Variants in TSPAN18 observed in about 807,000 individuals in gnomAD.
The protein encoded by TSPAN18 is tetraspanin 18.
A neutral mutation model predicts 27.3 loss-of-function variants in TSPAN18; 14 were observed. The observed-to-expected ratio is 0.51, with a 90% confidence interval of 0.34 to 0.80. The LOEUF (loss-of-function observed/expected upper bound fraction) is 0.80. TSPAN18 is among the 30% of genes least tolerant of loss of function. The probability of loss-of-function intolerance (pLI) is 0.01; values close to 1 mark genes in which losing one functional copy is unlikely to be tolerated. For missense variants in TSPAN18, 268 were observed against 323.9 expected, an observed-to-expected ratio of 0.83 and a Z score of 1.32; for synonymous variants, 143 against 136.5, an observed-to-expected ratio of 1.05 and a Z score of -0.33.
At chr11:44,802,983 T>C (rs835814) in intron 2 of TSPAN18, among the ~76,000 whole-genome samples, 81,289 of 151,840 alleles carry the variant, frequency 0.54, 22,533 homozygotes, top group East Asian at 0.93. Context: ...GGCGGAGGCA[T>C]GGGGCACAAG....
chr11:44,731,874 C>T (rs1258510329), intron 1 of TSPAN18, among the ~76,000 whole-genome samples: 1 of 152,178 alleles, frequency 6.6e-6, no homozygotes, highest in Non-Finnish European at 1.5e-5. Flanking sequence ...TGTCCTTTCC[C>T]TTCCACCCTT....
At chr11:44,812,014 G>A (rs888826474) in intron 2 of TSPAN18, among the ~76,000 whole-genome samples, 5 of 152,300 alleles carry the variant, frequency 3.3e-5, no homozygotes, top group African/African-American at 7.2e-5. Context: ...GCTAGTGGTC[G>A]ACTTCGGTGG....
At chr11:44,782,559 A>G (rs866626641) in intron 2 of TSPAN18, among the ~76,000 whole-genome samples, 28 of 151,828 alleles carry the variant, frequency 1.8e-4, no homozygotes, top group East Asian at 5.8e-4. Context: ...AAAAAAAAAA[A>G]AAAGAAAGAA....
chr11:44,859,479 A>C (rs1857820412), intron 2 of TSPAN18: 1 of 152,206 alleles, frequency 6.6e-6, no homozygotes, highest in Non-Finnish European at 1.5e-5. Flanking sequence ...AAGCTCTGAG[A>C]GGACACCTGA....
intron 1 of TSPAN18, among the ~76,000 whole-genome samples, chr11:44,753,060 A>G (rs1455109842): frequency 1.3e-5 from 2 of 152,174 alleles, no homozygotes; most frequent in Admixed American, 1.3e-4. Flanking sequence ...CAGTATCCAT[A>G]TATTCTTTTT....
intron 1 of TSPAN18, among the ~76,000 whole-genome samples, chr11:44,748,670 C>G (rs1015387038): frequency 1.3e-5 from 2 of 152,168 alleles, no homozygotes; most frequent in African/African-American, 4.8e-5. Flanking sequence ...TTTAGAGAAG[C>G]CACAGTGTCA....
intron 2 of TSPAN18, among the ~76,000 whole-genome samples, chr11:44,779,398 C>A (rs538934372): frequency 6.6e-6 from 1 of 152,272 alleles, no homozygotes; most frequent in African/African-American, 2.4e-5. Flanking sequence ...AGTGAAGGCC[C>A]CTCCTTGACC....
chr11:44,783,767 G>A (rs1467052538), intron 2 of TSPAN18, among the ~76,000 whole-genome samples: 11 of 152,114 alleles, frequency 7.2e-5, no homozygotes, highest in African/African-American at 2.2e-4. Context: ...TACAAATCCC[G>A]CCCCTCTGCC....
chr11:44,834,361 G>C (rs1349602568), intron 2 of TSPAN18, among the ~76,000 whole-genome samples: 2 of 152,180 alleles, frequency 1.3e-5, no homozygotes, highest in Non-Finnish European at 2.9e-5. Flanking sequence ...CAAAAGGAGA[G>C]AGCCACACGG....
chr11:44,784,222 T>C (rs2134960988), intron 2 of TSPAN18, among the ~76,000 whole-genome samples: 1 of 152,266 alleles, frequency 6.6e-6, no homozygotes, highest in East Asian at 1.9e-4. Flanking sequence ...ATTCCTGCCT[T>C]AGCTTCTAGG....
intron 3 of TSPAN18, among the ~76,000 whole-genome samples, chr11:44,879,494 C>T (rs1195526201): frequency 1.3e-5 from 2 of 152,160 alleles, no homozygotes; most frequent in African/African-American, 2.4e-5. Context: ...TCTCTGTCTT[C>T]GAGCAGAGAC....
At chr11:44,897,614 T>C (rs1032609078) in intron 3 of TSPAN18, 9 of 448,774 alleles carry the variant, frequency 2.0e-5, no homozygotes, top group Middle Eastern at 5.7e-4. Flanking sequence ...TTTCATGAGC[T>C]CTAATGGGCC....
chr11:44,870,909 T>C (rs1279502014), intron 3 of TSPAN18, among the ~76,000 whole-genome samples: 5 of 152,170 alleles, frequency 3.3e-5, no homozygotes, highest in African/African-American at 1.2e-4. Flanking sequence ...CTAGTTTTGC[T>C]GACTAGACTC....
chr11:44,842,264 A>G (rs1241414999), intron 2 of TSPAN18, among the ~76,000 whole-genome samples: 1 of 152,174 alleles, frequency 6.6e-6, no homozygotes, highest in East Asian at 1.9e-4. Context: ...CTTCATGGCC[A>G]CTATTAGGTC....
intron 3 of TSPAN18, among the ~76,000 whole-genome samples, chr11:44,889,875 T>G (rs1858785949): frequency 6.6e-6 from 1 of 152,206 alleles, no homozygotes; most frequent in African/African-American, 2.4e-5. Context: ...AATCCAAATC[T>G]TAGGGCTAGG....
At chr11:44,826,789 A>G (rs1857051882) in intron 2 of TSPAN18, among the ~76,000 whole-genome samples, 1 of 152,184 alleles carries the variant, frequency 6.6e-6, no homozygotes, top group Admixed American at 6.5e-5. Context: ...TGGATTCTGC[A>G]CAGAGCCTGA....
intron 2 of TSPAN18, among the ~76,000 whole-genome samples, chr11:44,806,404 G>A (rs1856594912): frequency 6.6e-6 from 1 of 152,198 alleles, no homozygotes; most frequent in Admixed American, 6.5e-5. Flanking sequence ...TAGGTTGGGT[G>A]CCTGTTGGGT....
At chr11:44,736,263 T>C (rs758358135) in intron 1 of TSPAN18, 1 of 152,244 alleles carries the variant, frequency 6.6e-6, no homozygotes, top group Non-Finnish European at 1.5e-5. Flanking sequence ...AGTCGTGTTA[T>C]TCATCTTTGC....
intron 2 of TSPAN18, among the ~76,000 whole-genome samples, chr11:44,786,000 A>T (rs1856048212): frequency 6.6e-6 from 1 of 152,144 alleles, no homozygotes; most frequent in African/African-American, 2.4e-5. Flanking sequence ...GGCCATGTTG[A>T]GGGTTAGGCA....
Sources: allele counts gnomAD v4.1 joint callset (sites outside exome capture counted in the v4.1 genomes callset), GRCh38; gene constraint gnomAD v4.1.1; transcripts MANE v1.5; gene names NCBI Gene and HGNC (gene_info 2026-07-23, HGNC 2026-07-21).